ANK1: variants seen among roughly 807,000 people sequenced by gnomAD.
ANK1 encodes the protein ankyrin 1.
A neutral mutation model predicts 210.4 loss-of-function variants in ANK1; 51 were observed. The observed-to-expected ratio is 0.24, with a 90% confidence interval of 0.19 to 0.31. The LOEUF is 0.31. Among genes scored for constraint, ANK1 ranks in the 10% least tolerant of loss-of-function variants. The probability of loss-of-function intolerance (pLI) is 1.00; values close to 1 mark genes in which losing one functional copy is unlikely to be tolerated. For missense variants in ANK1, 2,051 were observed against 2,504.4 expected (o/e 0.82, Z 3.86); for synonymous variants, 967 against 1,025.9 (o/e 0.94, Z 1.10).
chr8:41,791,204 T>G (rs901468526), intron 1 of ANK1, among the ~76,000 whole-genome samples: 11 of 138,842 alleles, frequency 7.9e-5, no homozygotes, highest in African/African-American at 2.4e-4. Context: ...GTTTTTTTTT[T>G]TTTTTTTTTT....
At chr8:41,681,740 C>T (rs886325158) in intron 37 of ANK1, among the ~76,000 whole-genome samples, 2 of 150,752 alleles carry the variant, frequency 1.3e-5, no homozygotes, top group African/African-American at 2.4e-5. Flanking sequence ...AGTGCCCCCC[C>T]ACCCCCCTTA....
chr8:41,886,146 G>A (rs192352713), intron 1 of ANK1, among the ~76,000 whole-genome samples: 2 of 152,326 alleles, frequency 1.3e-5, no homozygotes, highest in African/African-American at 4.8e-5. Context: ...GGGCTCAGGT[G>A]CAGACATGTG....
intron 1 of ANK1, among the ~76,000 whole-genome samples, chr8:41,868,204 G>A (rs1814837561): frequency 6.6e-6 from 1 of 152,224 alleles, no homozygotes; most frequent in Admixed American, 6.5e-5. Context: ...TATTAAGACA[G>A]GGTTTCTCAA....
At chr8:41,805,064 C>CTGTGTG (rs35873178) in intron 1 of ANK1, among the ~76,000 whole-genome samples, 4 of 147,966 alleles carry the variant, frequency 2.7e-5, no homozygotes, top group South Asian at 2.1e-4. Flanking sequence ...TTCTTTCTCT[C>CTGTGTG]TGTGTGTGTG....
chr8:41,709,091 C>A, intron 16 of ANK1, 116 bp from the exon 17 acceptor site: 1 of 1,190,108 alleles, frequency 8.4e-7, no homozygotes, highest in Non-Finnish European at 1.2e-6. Context: ...GTGAGCAGGG[C>A]TGGCATCACC....
At chr8:41,690,196 G>C in intron 33 of ANK1, 31 bp downstream of exon 33, 2 of 1,613,958 alleles carry the variant, frequency 1.2e-6, no homozygotes, top group Non-Finnish European at 1.7e-6. Flanking sequence ...AGCCGTCTCG[G>C]GCCAAGGCTC....
rs1270579960 is a variant in ANK1, at chr8:41,663,126, G to C, written c.5478+533C>G. Among the ~76,000 whole-genome samples the C allele has an allele frequency of 5.2e-4, 79 of 151,896 alleles. No homozygotes were observed. The East Asian group carries it at 0.013, about 24-fold the overall frequency. On this transcript the variant is annotated intron_variant, in intron 40 of 42. Transcript: ENST00000289734. ...TCTCTCTCTCTCTCTGTGTGTGTGT[G>C]TGTGTGTGTGTGTGTATTTATTTAT...
chr8:41,701,927 G>C, intron 21 of ANK1, 125 bp downstream of exon 21: 1 of 1,011,674 alleles, frequency 9.9e-7, no homozygotes, highest in Non-Finnish European at 1.5e-6. Context: ...CCACCCGTCG[G>C]GCGCGGCGCC....
intron 1 of ANK1, among the ~76,000 whole-genome samples, chr8:41,819,236 A>G (rs1330948036): frequency 6.6e-6 from 1 of 152,198 alleles, no homozygotes; most frequent in African/African-American, 2.4e-5. Flanking sequence ...GTCGGGAGAC[A>G]AAGGACTTCA....
chr8:41,752,798 G>GCCC lies in ANK1; in HGVS notation c.129+5235_129+5237dup, dbSNP rs55895448. On this transcript the variant is annotated intron_variant, in intron 2 of 42. Transcript: ENST00000289734. ...CTCCTGCGCTGCTGGGCACACACAGGCCCCCCCCCACTGCACCGCTGGGCC... is the reference window on the plus strand; with the variant it reads ...CTCCTGCGCTGCTGGGCACACACAGGCCCCCCCCCCCCACTGCACCGCTGGGCC... Among the ~76,000 whole-genome samples the GCCC allele has an allele frequency of 5.5e-3, 807 of 145,796 alleles. 14 individuals are homozygous for GCCC. Among genetic ancestry groups the GCCC allele is most frequent in the South Asian group, 0.026 (113 of 4,422 alleles).
At chr8:41,674,654 C>T (rs940417613) in intron 37 of ANK1, among the ~76,000 whole-genome samples, 14 of 152,180 alleles carry the variant, frequency 9.2e-5, no homozygotes, top group Admixed American at 2.6e-4. Flanking sequence ...TCAACGTGCC[C>T]GGAGCCATGC....
chr8:41,752,804 C>CA (rs1554597034), intron 2 of ANK1, among the ~76,000 whole-genome samples: 4 of 151,654 alleles, frequency 2.6e-5, no homozygotes, highest in African/African-American at 7.3e-5. Flanking sequence ...ACAGGCCCCC[C>CA]CCCACTGCAC....
At chr8:41,760,100 C>T (rs1372898256) in intron 1 of ANK1, among the ~76,000 whole-genome samples, 8 of 152,314 alleles carry the variant, frequency 5.3e-5, no homozygotes, top group African/African-American at 1.9e-4. Flanking sequence ...ACCTTGCCCC[C>T]AGGAACATCT....
At chr8:41,747,951 C>T (rs892498092) in intron 2 of ANK1, among the ~76,000 whole-genome samples, 2 of 152,166 alleles carry the variant, frequency 1.3e-5, no homozygotes, top group Non-Finnish European at 2.9e-5. Flanking sequence ...AGGCTTGCTG[C>T]GCAGTGTCAA....
intron 1 of ANK1, among the ~76,000 whole-genome samples, chr8:41,862,955 T>C (rs1247237062): frequency 1.3e-5 from 2 of 152,078 alleles, no homozygotes; most frequent in Non-Finnish European, 2.9e-5. Context: ...CAGGCTGCAG[T>C]GAGCCATGAT....
intron 15 of ANK1, 149 bp downstream of exon 15, chr8:41,714,827 T>A (rs1827167234): frequency 1.2e-6 from 1 of 822,734 alleles, no homozygotes; most frequent in East Asian, 2.7e-5. Context: ...ACCACTGCAC[T>A]CCAGCCTGGG....
chr8:41,723,821 G>T (rs1442140972), intron 7 of ANK1, among the ~76,000 whole-genome samples, 188 bp from the exon 8 acceptor site: 2 of 143,794 alleles, frequency 1.4e-5, no homozygotes, highest in African/African-American at 2.6e-5. Flanking sequence ...ACGGAGTCTC[G>T]CTCTGTCGCC....
At chr8:41,767,080 G>A (rs960381977) in intron 1 of ANK1, among the ~76,000 whole-genome samples, 1 of 152,148 alleles carries the variant, frequency 6.6e-6, no homozygotes, top group East Asian at 1.9e-4. Flanking sequence ...CACAAGTCCC[G>A]CTGCCTCCCA....
chr8:41,866,883 C>A (rs1248318917), intron 1 of ANK1, among the ~76,000 whole-genome samples: 1 of 152,208 alleles, frequency 6.6e-6, no homozygotes, highest in Non-Finnish European at 1.5e-5. Context: ...TTGCTTCCAC[C>A]TTTTGGCTGT....
Sources: allele counts gnomAD v4.1 joint callset (sites outside exome capture counted in the v4.1 genomes callset), GRCh38; gene constraint gnomAD v4.1.1; transcripts MANE v1.5; gene names NCBI Gene and HGNC (gene_info 2026-07-23, HGNC 2026-07-21).